RIMS1: variants seen among roughly 807,000 people sequenced by gnomAD.
RIMS1 encodes the protein regulating synaptic membrane exocytosis 1.
RIMS1 carries 83 observed loss-of-function variants against 214.1 expected under a neutral mutation model. The ratio of observed to expected loss-of-function variants is 0.39; its 90% CI spans 0.32 to 0.47. The LOEUF (loss-of-function observed/expected upper bound fraction) is 0.47, where lower values mean the gene tolerates loss of function less well. Ranked by LOEUF, RIMS1 falls within the 20% of genes least tolerant of loss-of-function variation. RIMS1 has a pLI of 0.99. For synonymous variants in RIMS1, 793 were observed against 786.8 expected (o/e 1.01, Z -0.13); for missense variants, 2,050 against 2,161.8 (o/e 0.95, Z 1.03).
At chr6:72,199,368 A>G (rs184672273) in intron 6 of RIMS1, among the ~76,000 whole-genome samples, 68 of 152,296 alleles carry the variant, frequency 4.5e-4, no homozygotes, top group Non-Finnish European at 8.2e-4. Flanking sequence ...CAGTGCATCT[A>G]TAGAAAAGGA....
At chr6:71,928,829 G>T (rs1240731279) in intron 1 of RIMS1, among the ~76,000 whole-genome samples, 2 of 152,078 alleles carry the variant, frequency 1.3e-5, no homozygotes, top group Non-Finnish European at 2.9e-5. Flanking sequence ...ATTTTAACAT[G>T]CAGCCAGTGT....
chr6:72,120,644 C>G (rs1040268447), intron 4 of RIMS1, among the ~76,000 whole-genome samples: 2 of 151,812 alleles, frequency 1.3e-5, no homozygotes, highest in Non-Finnish European at 2.9e-5. Flanking sequence ...TGTGCAGAAG[C>G]TCTTTAGTTT....
At chr6:71,936,858 C>T (rs985682126) in intron 1 of RIMS1, among the ~76,000 whole-genome samples, 2 of 152,246 alleles carry the variant, frequency 1.3e-5, no homozygotes, top group Admixed American at 1.3e-4. Context: ...TCACTCCCCA[C>T]GTCCTTTTAC....
At chr6:71,959,349 C>T (rs1273016524) in intron 1 of RIMS1, among the ~76,000 whole-genome samples, 1 of 152,052 alleles carries the variant, frequency 6.6e-6, no homozygotes, top group Non-Finnish European at 1.5e-5. Flanking sequence ...CACTTAAATC[C>T]CACCAAGGAA....
At chr6:72,010,216 C>T (rs567810669) in intron 2 of RIMS1, among the ~76,000 whole-genome samples, 5 of 151,728 alleles carry the variant, frequency 3.3e-5, no homozygotes, top group Admixed American at 2.6e-4. Context: ...TAAACAGAAG[C>T]GAAGAAAAAA....
intron 6 of RIMS1, among the ~76,000 whole-genome samples, chr6:72,220,709 TAGAC>T (rs2058097676): frequency 6.6e-6 from 1 of 152,118 alleles, no homozygotes; most frequent in South Asian, 2.1e-4. Context: ...ATGTGATGAT[TAGAC>T]AGATCATTGG....
chr6:71,924,958 G>A (rs1317328279), intron 1 of RIMS1, among the ~76,000 whole-genome samples: 1 of 152,106 alleles, frequency 6.6e-6, no homozygotes, highest in Admixed American at 6.6e-5. Flanking sequence ...CAGAGTCTGG[G>A]TTCCTCAGTG....
chr6:72,305,541 A>G (rs1476568419), intron 26 of RIMS1, among the ~76,000 whole-genome samples: 2 of 152,150 alleles, frequency 1.3e-5, no homozygotes, highest in Non-Finnish European at 2.9e-5. Flanking sequence ...TACTCACACC[A>G]TAGGCAAAAG....
intron 1 of RIMS1, among the ~76,000 whole-genome samples, chr6:71,911,194 G>C (rs1776792168): frequency 6.6e-6 from 1 of 152,204 alleles, no homozygotes; most frequent in Admixed American, 6.5e-5. Context: ...GTTGGCTTAT[G>C]TTTTAAGGGC....
intron 2 of RIMS1, among the ~76,000 whole-genome samples, chr6:72,076,631 T>G (rs1275508476): frequency 6.6e-6 from 1 of 152,208 alleles, no homozygotes; most frequent in Non-Finnish European, 1.5e-5. Flanking sequence ...GTAGAGTAAT[T>G]TATTTAGTGT....
At chr6:72,213,710 G>T (rs895742101) in intron 6 of RIMS1, among the ~76,000 whole-genome samples, 4 of 152,112 alleles carry the variant, frequency 2.6e-5, no homozygotes, top group Admixed American at 2.6e-4. Context: ...TAAAATAATG[G>T]TTCCTGGGTT....
At chr6:72,344,642 C>G (rs2097200138) in intron 29 of RIMS1, among the ~76,000 whole-genome samples, 1 of 151,672 alleles carries the variant, frequency 6.6e-6, no homozygotes, top group South Asian at 2.1e-4. Flanking sequence ...AGAAATGATT[C>G]TCAAGTTGGC....
chr6:72,210,982 G>T (rs2053708002), intron 6 of RIMS1, among the ~76,000 whole-genome samples: 1 of 152,120 alleles, frequency 6.6e-6, no homozygotes, highest in Non-Finnish European at 1.5e-5. Context: ...AAGACCTAAA[G>T]GGAAGTGCTA....
chr6:71,971,483 A>G (rs1166303937), intron 2 of RIMS1, among the ~76,000 whole-genome samples: 1 of 152,206 alleles, frequency 6.6e-6, no homozygotes, highest in Non-Finnish European at 1.5e-5. Context: ...GGATTACCAT[A>G]TTAATGGCTT....
chr6:72,043,276 A>G, intron 2 of RIMS1, among the ~76,000 whole-genome samples: 1 of 151,936 alleles, frequency 6.6e-6, no homozygotes, highest in Non-Finnish European at 1.5e-5. Flanking sequence ...TTCTTATGAA[A>G]TAGGAAAGAG....
chr6:72,124,983 A>G (rs1291549769), intron 4 of RIMS1, among the ~76,000 whole-genome samples: 2 of 152,050 alleles, frequency 1.3e-5, no homozygotes, highest in Non-Finnish European at 2.9e-5. Context: ...ACTTCTGTCA[A>G]CTCGTCAAAG....
At chr6:71,961,221 A>G (rs1256767949) in intron 1 of RIMS1, among the ~76,000 whole-genome samples, 5 of 152,120 alleles carry the variant, frequency 3.3e-5, no homozygotes, top group Non-Finnish European at 7.4e-5. Context: ...AAGAAAATGG[A>G]GATGGCCATT....
At chr6:72,364,327 AC>A (rs1460746958) in intron 29 of RIMS1, among the ~76,000 whole-genome samples, 1 of 151,878 alleles carries the variant, frequency 6.6e-6, no homozygotes, top group Non-Finnish European at 1.5e-5. Context: ...ATCTAATTAC[AC>A]CTTTAAAAAT....
At chr6:72,149,407 A>G (rs2043202859) in intron 4 of RIMS1, among the ~76,000 whole-genome samples, 1 of 152,216 alleles carries the variant, frequency 6.6e-6, no homozygotes, top group South Asian at 2.1e-4. Flanking sequence ...CCTTAGGACA[A>G]CAATGAGGTG....
Sources: allele counts gnomAD v4.1 joint callset (sites outside exome capture counted in the v4.1 genomes callset), GRCh38; gene constraint gnomAD v4.1.1; transcripts MANE v1.5; gene names NCBI Gene and HGNC (gene_info 2026-07-23, HGNC 2026-07-21).